ZNF106: variants seen among roughly 807,000 people sequenced by gnomAD.
ZNF106 encodes the protein SH3-domain binding protein 3.
ZNF106 carries 67 observed loss-of-function variants against 195.1 expected under a neutral mutation model. That is an observed-to-expected ratio of 0.34 (90% CI 0.28 to 0.42). The LOEUF is 0.42. ZNF106 is among the 10% of genes least tolerant of loss of function. The pLI is 1.00. For synonymous variants in ZNF106, 784 were observed against 818.6 expected (o/e 0.96, Z 0.72); for missense variants, 2,118 against 2,304.5 (o/e 0.92, Z 1.66).
In ZNF106 at chr15:42,456,269, A is replaced by G. The variant is rs529497202; in HGVS notation, c.317+689T>C. On this transcript the variant is annotated intron_variant, in intron 4 of 21. Transcript: ENST00000564754. ...TGGCGATACGACTATACTATATACT[A>G]TACGATTTATACAATGAAGCTTATA... 5.9e-5 allele frequency among the ~76,000 whole-genome samples: 9 copies of G among 152,344 alleles called. No homozygotes were observed. The South Asian group carries it at 1.9e-3, about 32-fold the overall frequency.
At chr15:42,465,686 C>T (rs902031726) in intron 3 of ZNF106, among the ~76,000 whole-genome samples, 1 of 152,174 alleles carries the variant, frequency 6.6e-6, no homozygotes, top group African/African-American at 2.4e-5. Context: ...CAATACTAAA[C>T]GTTTATGGCA....
intron 1 of ZNF106, among the ~76,000 whole-genome samples, chr15:42,487,667 T>C (rs2057047150): frequency 6.6e-6 from 1 of 152,126 alleles, no homozygotes; most frequent in Non-Finnish European, 1.5e-5. Context: ...ATCTTAACCA[T>C]TTAAGTGTAG....
chr15:42,434,736 T>G (rs2055207409), intron 14 of ZNF106, among the ~76,000 whole-genome samples: 1 of 152,100 alleles, frequency 6.6e-6, no homozygotes, highest in South Asian at 2.1e-4. Flanking sequence ...CATTTCTAAT[T>G]CTGCAGATTT....
intron 8 of ZNF106, 83 bp from the exon 9 acceptor site, chr15:42,444,345 G>T: frequency 9.1e-7 from 1 of 1,100,766 alleles, no homozygotes; most frequent in Non-Finnish European, 1.4e-6. Flanking sequence ...TCTATGTCCT[G>T]ACCAAAAATC....
intron 6 of ZNF106, among the ~76,000 whole-genome samples, chr15:42,447,473 T>C (rs775086067): frequency 6.6e-6 from 1 of 152,188 alleles, no homozygotes; most frequent in Admixed American, 6.5e-5. Flanking sequence ...CAGAAAGGGA[T>C]ACTGAGAGGG....
At chr15:42,488,105 G>A (rs988949351) in intron 1 of ZNF106, among the ~76,000 whole-genome samples, 1 of 152,160 alleles carries the variant, frequency 6.6e-6, no homozygotes, top group African/African-American at 2.4e-5. Flanking sequence ...TCAGCACGTA[G>A]CAAATTCAAG....
In ZNF106 at chr15:42,453,881, G is replaced by A. The variant is rs552510018; in HGVS notation, c.318-1927C>T. On this transcript the variant is annotated intron_variant, in intron 4 of 21. Transcript: ENST00000564754. Reference sequence around the variant, plus strand: ...AGTGCTGGGATTACAGGCATGGCATGTATTCTTATTATTCCTACTTTATAG... The same window carrying A: ...AGTGCTGGGATTACAGGCATGGCATATATTCTTATTATTCCTACTTTATAG... Among the ~76,000 whole-genome samples the A allele has an allele frequency of 1.4e-4, 22 of 152,190 alleles. No homozygotes were observed. In the South Asian group the frequency reaches 4.3e-3, roughly 30 times the overall value.
rs1248586073 is a variant in ZNF106 at position 42,416,292 on chromosome 15, A to G, written c.*1012T>C. On this transcript the variant is annotated 3_prime_UTR_variant, in exon 22 of 22. Coordinates refer to ENST00000564754, the MANE Select transcript of ZNF106 (RefSeq NM_001366845.3). ...AAACTGTATTCAGATGCTTTATTCT[A>G]ACCCCCTCTCCCCCACCATCTTAGT... 6.6e-6 allele frequency: 1 copy of G among 152,270 alleles called. No homozygotes were observed. The highest frequency in any genetic ancestry group is 2.4e-5 in the African/African-American group (1 of 41,418). The allele number at this position is 152,270 out of a possible 1,614,324, so 9.4% of individuals were successfully genotyped here. A position where few individuals can be genotyped will look rare whatever the true frequency, so the allele number is the denominator to read the frequency against.
intron 2 of ZNF106, among the ~76,000 whole-genome samples, chr15:42,467,539 C>G (rs1329896532): frequency 1.3e-5 from 2 of 152,124 alleles, no homozygotes; most frequent in African/African-American, 2.4e-5. Flanking sequence ...TGCCTGTAAT[C>G]CCAGCACTTT....
chr15:42,436,382 A>T (rs2055274524), intron 13 of ZNF106, among the ~76,000 whole-genome samples: 1 of 152,168 alleles, frequency 6.6e-6, no homozygotes, highest in Non-Finnish European at 1.5e-5. Context: ...TTACACTTAT[A>T]CATCCTGGTA....
chr15:42,442,680 A>C (rs2055599839), intron 9 of ZNF106, among the ~76,000 whole-genome samples: 1 of 148,828 alleles, frequency 6.7e-6, no homozygotes, highest in African/African-American at 2.5e-5. Context: ...GCAGTGGTGC[A>C]AACACTGCTC....
intron 2 of ZNF106, among the ~76,000 whole-genome samples, chr15:42,471,861 G>A (rs1409823860): frequency 6.6e-6 from 1 of 152,214 alleles, no homozygotes; most frequent in Non-Finnish European, 1.5e-5. Context: ...TATAATAGAT[G>A]CTATATCCTT....
chr15:42,449,528 C>T (rs978155229), intron 5 of ZNF106, among the ~76,000 whole-genome samples: 6 of 152,300 alleles, frequency 3.9e-5, no homozygotes, highest in South Asian at 2.1e-4. Flanking sequence ...TTTTTTCCTA[C>T]GTCACCACCT....
chr15:42,478,477 A>G (rs2056831282), intron 1 of ZNF106, among the ~76,000 whole-genome samples: 1 of 142,536 alleles, frequency 7.0e-6, no homozygotes, highest in South Asian at 2.3e-4. Context: ...CACTGTTATT[A>G]TGGAAGCCAT....
intron 15 of ZNF106, among the ~76,000 whole-genome samples, chr15:42,426,035 C>G (rs1369023413): frequency 6.6e-6 from 1 of 152,206 alleles, no homozygotes; most frequent in East Asian, 1.9e-4. Context: ...GCTCCTAAAA[C>G]TAAGCAGAAA....
chr15:42,416,295 C>G lies in ZNF106; in HGVS notation c.*1009G>C, dbSNP rs1293759072. 6.6e-6 allele frequency: 1 copy of G among 152,282 alleles called. No individual in the cohort carries two copies. The highest frequency in any genetic ancestry group is 1.9e-4 in the East Asian group (1 of 5,188). The allele number at this position is 152,282 out of a possible 1,614,324, so 9.4% of individuals were successfully genotyped here. On this transcript the variant is annotated 3_prime_UTR_variant, in exon 22 of 22. Transcript: ENST00000564754. ...CTGTATTCAGATGCTTTATTCTAAC[C>G]CCCTCTCCCCCACCATCTTAGTTGC... is the stretch of plus-strand genomic sequence containing the variant.
chr15:42,441,014 T>C (rs1298619152), intron 10 of ZNF106, among the ~76,000 whole-genome samples: 5 of 28,920 alleles, frequency 1.7e-4, no homozygotes. Flanking sequence ...TATATATATA[T>C]ATATATATAT....
chr15:42,449,973 C>G lies in ZNF106; in HGVS notation c.2299G>C (p.Val767Leu), dbSNP rs764804965. The change falls in exon 5 of 22, where the codon GTA (valine) becomes CTA (leucine). Residue 767 changes from valine (V) to leucine (L), a missense_variant. By Grantham distance (32) the Val-to-Leu change is conservative (BLOSUM62 1). Coordinates refer to ENST00000564754, the MANE Select transcript of ZNF106 (RefSeq NM_001366845.3). Reference sequence around the variant, plus strand: ...TTGAGGTTTGGCTCAGGAAGGTGTACTCCAGTTTTGCTCTTCAAACTAATG... The same window carrying G: ...TTGAGGTTTGGCTCAGGAAGGTGTAGTCCAGTTTTGCTCTTCAAACTAATG... ...RHISLKSKTG[V>L]HLPEPNLNSA... The G allele has an allele frequency of 6.2e-7, 1 of 1,614,134 alleles. No individual in the cohort carries two copies. Among genetic ancestry groups the G allele is most frequent in the Non-Finnish European group, 8.5e-7 (1 of 1,180,038 alleles).
intron 2 of ZNF106, among the ~76,000 whole-genome samples, chr15:42,466,901 G>A (rs2056530779): frequency 1.3e-5 from 2 of 152,234 alleles, no homozygotes; most frequent in East Asian, 1.9e-4. Flanking sequence ...TTGGGAGGCC[G>A]AGGTGGGCAG....
Sources: allele counts gnomAD v4.1 joint callset (sites outside exome capture counted in the v4.1 genomes callset), GRCh38; gene constraint gnomAD v4.1.1; transcripts MANE v1.5; gene names NCBI Gene and HGNC (gene_info 2026-07-23, HGNC 2026-07-21).